Variants in COL26A1 observed in about 807,000 individuals in gnomAD.
COL26A1 encodes collagen alpha-1(XXVI) chain.
Under a neutral mutation model 59.3 loss-of-function variants are expected in COL26A1, and 41 were observed. That is an observed-to-expected ratio of 0.69 (90% CI 0.54 to 0.90). The LOEUF is 0.90. Ranked by LOEUF, COL26A1 falls within the 40% of genes least tolerant of loss-of-function variation. COL26A1 has a pLI of 0.00. For missense variants in COL26A1, 612 were observed against 602.3 expected, an observed-to-expected ratio of 1.02 and a Z score of -0.17; for synonymous variants, 266 against 256.0, an observed-to-expected ratio of 1.04 and a Z score of -0.37.
Position 101,532,940 on chromosome 7 carries a change from G to A in COL26A1, c.386-142G>A, listed in dbSNP as rs768389386. 1.5e-5 allele frequency: 10 copies of A among 664,116 alleles called. No homozygotes were observed. In the Middle Eastern group the frequency reaches 1.2e-3, roughly 81 times the overall value. The allele number at this position is 664,116 out of a possible 1,614,324, so 41.1% of individuals were successfully genotyped here. A position where few individuals can be genotyped will look rare whatever the true frequency, so the allele number is the denominator to read the frequency against. On this transcript the variant is annotated intron_variant, in intron 3 of 12. Coordinates refer to ENST00000313669, the MANE Select transcript of COL26A1 (RefSeq NM_001278563.3). ...GAGGGGGCTCTGAGGGTAAGGCTTT[G>A]AAGGATGAATAGGAGTTTTCCAGGC... is the stretch of plus-strand genomic sequence containing the variant.
At chr7:101,363,602 G>A (rs1172232000) in intron 1 of COL26A1, among the ~76,000 whole-genome samples, 2 of 140,058 alleles carry the variant, frequency 1.4e-5, no homozygotes, top group Admixed American at 6.9e-5. Flanking sequence ...GCTGGGGGTT[G>A]GGGCCGCGGG....
intron 3 of COL26A1, among the ~76,000 whole-genome samples, chr7:101,476,418 A>C (rs1475681892): frequency 6.6e-6 from 1 of 152,238 alleles, no homozygotes; most frequent in East Asian, 1.9e-4. Flanking sequence ...GGCAGTCTTC[A>C]TTCTATAAAA....
intron 3 of COL26A1, among the ~76,000 whole-genome samples, chr7:101,514,331 C>G (rs1794985350): frequency 6.6e-6 from 1 of 151,730 alleles, no homozygotes; most frequent in Non-Finnish European, 1.5e-5. Context: ...GAGTGAGACC[C>G]TGTCTCAAAA....
At chr7:101,439,486 G>A (rs1188026127) in intron 2 of COL26A1, among the ~76,000 whole-genome samples, 6 of 147,278 alleles carry the variant, frequency 4.1e-5, no homozygotes, top group South Asian at 2.2e-4. Context: ...CCCAGGAGGC[G>A]GAGGTTGCAG....
At chr7:101,502,554 G>GC (rs35872660) in intron 3 of COL26A1, among the ~76,000 whole-genome samples, 1 of 152,226 alleles carries the variant, frequency 6.6e-6, no homozygotes, top group Admixed American at 6.5e-5. Flanking sequence ...GGAGGCTAAG[G>GC]CCCCTCAGGG....
chr7:101,414,360 A>G (rs1349125927), intron 1 of COL26A1, among the ~76,000 whole-genome samples: 1 of 151,626 alleles, frequency 6.6e-6, no homozygotes, highest in Non-Finnish European at 1.5e-5. Context: ...ATCCCACATT[A>G]AACCATCCTG....
intron 1 of COL26A1, among the ~76,000 whole-genome samples, chr7:101,384,115 G>A (rs1256010806): frequency 6.6e-6 from 1 of 152,086 alleles, no homozygotes; most frequent in Non-Finnish European, 1.5e-5. Flanking sequence ...CTGGGCTCAG[G>A]TGATCCTCCC....
chr7:101,377,485 T>G (rs1245732841), intron 1 of COL26A1, among the ~76,000 whole-genome samples: 1 of 152,130 alleles, frequency 6.6e-6, no homozygotes, highest in Non-Finnish European at 1.5e-5. Context: ...AATGCAGTGA[T>G]GTGATCACAT....
At chr7:101,494,724 C>T (rs1794543837) in intron 3 of COL26A1, among the ~76,000 whole-genome samples, 1 of 152,226 alleles carries the variant, frequency 6.6e-6, no homozygotes, top group Non-Finnish European at 1.5e-5. Flanking sequence ...GAAGCCACAG[C>T]AGGGGGCCCA....
At position 101,453,176 on chromosome 7, in the gene COL26A1, G is replaced by A. The variant is rs1043838942; in HGVS notation, c.385+5389G>A. ...GAGGTCAGGAGTTCGAGACCAGCTT[G>A]GCCAACATGGCAAAACCCCGTCTCT... On this transcript the variant is annotated intron_variant, in intron 3 of 12. Transcript: ENST00000313669. 2.0e-5 allele frequency among the ~76,000 whole-genome samples: 3 copies of A among 152,204 alleles called. No individual in the cohort carries two copies. The South Asian group carries it at 6.2e-4, about 31-fold the overall frequency.
chr7:101,402,617 TTCTC>T lies in COL26A1; in HGVS notation c.159-17358_159-17355del, dbSNP rs563261726. Among the ~76,000 whole-genome samples, 504 of 139,652 alleles carry T rather than the reference TTCTC, an allele frequency of 3.6e-3. 3 individuals are homozygous for T. Among genetic ancestry groups the T allele is most frequent in the African/African-American group, 0.013 (467 of 36,790 alleles). 91.6% of individuals were successfully genotyped at this position (139,652 alleles called of 152,430 possible). On this transcript the variant is annotated intron_variant, in intron 1 of 12. Transcript: ENST00000313669. ...TCCTTCCTTCTTTCCTTTCTTCTCT[TTCTC>T]TTTCTTTCTCCCCTCCCCTCCCTCC...
intron 3 of COL26A1, among the ~76,000 whole-genome samples, chr7:101,488,055 G>A (rs904442405): frequency 2.6e-5 from 4 of 151,686 alleles, no homozygotes; most frequent in Non-Finnish European, 4.4e-5. Context: ...GGCAGATCAC[G>A]TGAGGTCAGT....
At chr7:101,423,697 C>G (rs62463413) in intron 2 of COL26A1, among the ~76,000 whole-genome samples, 7 of 151,252 alleles carry the variant, frequency 4.6e-5, no homozygotes, top group Non-Finnish European at 7.4e-5. Flanking sequence ...ATCGCACCAC[C>G]GCACTACAGC....
At position 101,557,582 on chromosome 7, in the gene COL26A1, G is replaced by C; in HGVS notation, c.*52G>C. ...CCTGGCTAGAGACCCAGCCCCAGAGGCCTGAGCCGCCGCTGTTTCCTAAAG... is the reference window on the plus strand; with the variant it reads ...CCTGGCTAGAGACCCAGCCCCAGAGCCCTGAGCCGCCGCTGTTTCCTAAAG... On this transcript the variant is annotated 3_prime_UTR_variant, in exon 13 of 13. Transcript: ENST00000313669. 1 of 1,523,506 alleles carries C rather than the reference G, an allele frequency of 6.6e-7. No individual in the cohort carries two copies. Among genetic ancestry groups the C allele is most frequent in the Non-Finnish European group, 8.9e-7 (1 of 1,129,934 alleles). 94.4% of individuals were successfully genotyped at this position (1,523,506 alleles called of 1,614,324 possible).
chr7:101,468,746 G>C (rs1793825112), intron 3 of COL26A1, among the ~76,000 whole-genome samples: 1 of 152,194 alleles, frequency 6.6e-6, no homozygotes. Context: ...GGAGGAGGGA[G>C]GGGGAGACGC....
intron 3 of COL26A1, among the ~76,000 whole-genome samples, chr7:101,483,926 G>A (rs1001733398): frequency 2.7e-5 from 4 of 149,432 alleles, no homozygotes; most frequent in East Asian, 2.0e-4. Context: ...TGCCCACTTC[G>A]GCCTCCCAAA....
chr7:101,473,165 C>T (rs1260963262), intron 3 of COL26A1, among the ~76,000 whole-genome samples: 1 of 151,920 alleles, frequency 6.6e-6, no homozygotes, highest in Non-Finnish European at 1.5e-5. Flanking sequence ...CTGCAAGCTC[C>T]ACCTCCTGGG....
rs750689820 is a variant in COL26A1 at position 101,375,678 on chromosome 7, GAAGA to G, written c.158+12503_158+12506del. Among the ~76,000 whole-genome samples the G allele has an allele frequency of 1.1e-3, 167 of 150,520 alleles. 1 individual carries two copies. Among genetic ancestry groups the G allele is most frequent in the African/African-American group, 3.5e-3 (145 of 41,068 alleles). On this transcript the variant is annotated intron_variant, in intron 1 of 12. Coordinates refer to ENST00000313669, the MANE Select transcript of COL26A1 (RefSeq NM_001278563.3). Reference sequence around the variant, plus strand: ...AACATAGCAAGACCCCATATCTACAGAAGAAAGAAAGAAAGAAAAAGAAAATTGG... The same window carrying G: ...AACATAGCAAGACCCCATATCTACAGAAGAAAGAAAGAAAAAGAAAATTGG...
chr7:101,363,232 G>T, intron 1 of COL26A1, 42 bp downstream of exon 1: 1 of 687,898 alleles, frequency 1.5e-6, no homozygotes, highest in Non-Finnish European at 2.2e-6. Flanking sequence ...TGGGGGGAGG[G>T]AGCGGACAGC....
Sources: gnomAD v4.1 joint callset for allele counts (sites outside exome capture counted in the v4.1 genomes callset) on GRCh38, gnomAD v4.1.1 for gene constraint, MANE v1.5 for transcripts, NCBI Gene and HGNC (gene_info 2026-07-23, HGNC 2026-07-21) for gene names.